BRSK2: variants seen among roughly 807,000 people sequenced by gnomAD.
The protein encoded by BRSK2 is serine/threonine-protein kinase BRSK2.
Under a neutral mutation model 83.3 loss-of-function variants are expected in BRSK2, and 19 were observed. That is an observed-to-expected ratio of 0.23 (90% CI 0.16 to 0.33). The LOEUF (loss-of-function observed/expected upper bound fraction) is 0.33. BRSK2 is among the 10% of genes least tolerant of loss of function. The pLI, the probability that BRSK2 is intolerant of heterozygous loss-of-function variation, is 1.00. For missense variants in BRSK2, 798 were observed against 1,042.3 expected, an observed-to-expected ratio of 0.77 and a Z score of 3.23; for synonymous variants, 519 against 435.4, an observed-to-expected ratio of 1.19 and a Z score of -2.39.
At chr11:1,394,920 T>C (rs1200781092) in intron 1 of BRSK2, among the ~76,000 whole-genome samples, 2 of 90,962 alleles carry the variant, frequency 2.2e-5, no homozygotes, top group African/African-American at 4.6e-5. Flanking sequence ...TGGAGATGGG[T>C]CCTGGAGATG....
At position 1,451,404 on chromosome 11, in the gene BRSK2, C is replaced by T; in HGVS notation, c.1529C>T (p.Pro510Leu). 4 of 1,612,948 alleles carry T rather than the reference C, an allele frequency of 2.5e-6. No homozygotes were observed. Among genetic ancestry groups the T allele is most frequent in the Non-Finnish European group, 3.4e-6 (4 of 1,179,904 alleles). The change falls in exon 15 of 20, where the codon CCA becomes CTA. Residue 510 changes from proline (P) to leucine (L), a missense_variant. Transcript: ENST00000528841. ...CCGGAGGAGATGTCCAACCTGACAC[C>T]AGAGTCGTCCCCAGAGTAAGTGGCC... ...PTPEEMSNLTPESSPELAKKS... is the reference protein window; with the variant it reads ...PTPEEMSNLTLESSPELAKKS...
In BRSK2 at chr11:1,440,777, G is replaced by C. The variant is rs201575766; in HGVS notation, c.273-11G>C. 49 of 1,558,348 alleles carry C rather than the reference G, an allele frequency of 3.1e-5. No individual in the cohort carries two copies. The South Asian group carries it at 4.8e-4, about 15-fold the overall frequency. ...CACAGCTGGGCGCACTGGTGGCCCC[G>C]TCTCCTGCAGGTACCTGGTGCTAGA... On this transcript the variant is annotated splice_polypyrimidine_tract_variant and intron_variant, in intron 3 of 19. Coordinates refer to ENST00000528841, the MANE Select transcript of BRSK2 (RefSeq NM_001256627.2).
intron 3 of BRSK2, 128 bp from the exon 4 acceptor site, chr11:1,440,660 C>A (rs892643234): frequency 9.4e-6 from 12 of 1,277,954 alleles, no homozygotes; most frequent in African/African-American, 8.9e-5. Flanking sequence ...AGCTGCCCCC[C>A]CAGCCAGCAA....
At chr11:1,412,534 C>T (rs1213079986) in intron 1 of BRSK2, among the ~76,000 whole-genome samples, 1 of 152,044 alleles carries the variant, frequency 6.6e-6, no homozygotes, top group African/African-American at 2.4e-5. Context: ...GCTGCTCTGT[C>T]CTCTCTGGTC....
At chr11:1,410,683 A>ACGC in intron 1 of BRSK2, 1 of 985,152 alleles carries the variant, frequency 1.0e-6, no homozygotes, top group Non-Finnish European at 1.2e-6. Context: ...GCACTGCCTG[A>ACGC]CGCCCACCCT....
intron 1 of BRSK2, among the ~76,000 whole-genome samples, chr11:1,393,506 A>C (rs985791890): frequency 6.6e-6 from 1 of 152,108 alleles, no homozygotes; most frequent in African/African-American, 2.4e-5. Flanking sequence ...GGAACGAAGG[A>C]GCTAGGATGA....
At chr11:1,450,825 G>T in intron 14 of BRSK2, 31 bp downstream of exon 14, 1 of 1,559,264 alleles carries the variant, frequency 6.4e-7, no homozygotes, top group Non-Finnish European at 8.6e-7. Flanking sequence ...GCCAGAGTGG[G>T]GCTGGGAGAG....
rs372765148 is a variant in BRSK2 at position 1,454,629 on chromosome 11, G to A, written c.1668+21G>A. 1 of 1,611,694 alleles carries A rather than the reference G, an allele frequency of 6.2e-7. No individual in the cohort carries two copies. Among genetic ancestry groups the A allele is most frequent in the Non-Finnish European group, 8.5e-7 (1 of 1,179,654 alleles). On this transcript the variant is annotated intron_variant, in intron 16 of 19. Coordinates refer to ENST00000528841, the MANE Select transcript of BRSK2 (RefSeq NM_001256627.2). The surrounding 1 kb of genome is among the most constrained non-coding windows in gnomAD (Gnocchi z 5.2). Reference sequence around the variant, plus strand: ...TGTCGGTGAGGCCACAGGGCGCTGGGGGAGGCGGGCAGCCCTCCCAACCCC... The same window carrying A: ...TGTCGGTGAGGCCACAGGGCGCTGGAGGAGGCGGGCAGCCCTCCCAACCCC...
At chr11:1,441,246 C>A (rs1390606205) in intron 4 of BRSK2, among the ~76,000 whole-genome samples, 5 of 71,458 alleles carry the variant, frequency 7.0e-5, no homozygotes, top group East Asian at 1.1e-3. Flanking sequence ...TGCACCGTCC[C>A]CCCCATTAGC....
intron 18 of BRSK2, 70 bp downstream of exon 18, chr11:1,456,757 C>T (rs58656229): frequency 2.5e-5 from 37 of 1,491,474 alleles, no homozygotes; most frequent in African/African-American, 5.5e-5. Context: ...GCTGCGCGGA[C>T]GGGAGGCGTG....
chr11:1,413,040 G>A (rs1334629263), intron 1 of BRSK2, among the ~76,000 whole-genome samples: 1 of 152,172 alleles, frequency 6.6e-6, no homozygotes, highest in Non-Finnish European at 1.5e-5. Flanking sequence ...TTCTTCCCAT[G>A]TTAGGAGCCT....
At chr11:1,456,939 C>T (rs777911759) in intron 18 of BRSK2, 5 of 1,596,754 alleles carry the variant, frequency 3.1e-6, no homozygotes, top group South Asian at 1.1e-5. Context: ...TGAAAGGCGC[C>T]TCTTGTCCAC....
chr11:1,435,858 C>T (rs550425561), intron 1 of BRSK2, among the ~76,000 whole-genome samples, 182 bp from the exon 2 acceptor site: 72 of 151,700 alleles, frequency 4.7e-4, no homozygotes, highest in Non-Finnish European at 8.8e-4. Context: ...GCAGGGGCAG[C>T]GTGACGCCAG....
chr11:1,422,889 C>G (rs925225654), intron 1 of BRSK2, among the ~76,000 whole-genome samples: 12 of 152,226 alleles, frequency 7.9e-5, no homozygotes, highest in Admixed American at 7.2e-4. Context: ...CCAGCAAGCC[C>G]CACAGCCAGT....
intron 1 of BRSK2, among the ~76,000 whole-genome samples, chr11:1,435,650 G>A (rs1850207292): frequency 6.6e-6 from 1 of 151,520 alleles, no homozygotes; most frequent in African/African-American, 2.4e-5. Context: ...GAAGGCTGCA[G>A]GTGGGGGTCT....
At position 1,428,727 on chromosome 11, in the gene BRSK2, C is replaced by T. The variant is rs866132906; in HGVS notation, c.92-7313C>T. Among the ~76,000 whole-genome samples the T allele has an allele frequency of 7.9e-5, 12 of 152,146 alleles. No individual in the cohort carries two copies. In the South Asian group the frequency reaches 1.7e-3, roughly 21 times the overall value. On this transcript the variant is annotated intron_variant, in intron 1 of 19. Coordinates refer to ENST00000528841, the MANE Select transcript of BRSK2 (RefSeq NM_001256627.2). ...GATGTGTGTGCACACTGGGAGTGTG[C>T]ATGTTTGTACGTATGTGTGCATGAT... is the stretch of plus-strand genomic sequence containing the variant.
intron 1 of BRSK2, among the ~76,000 whole-genome samples, chr11:1,403,742 A>G (rs1846646521): frequency 6.6e-6 from 1 of 151,576 alleles, no homozygotes; most frequent in African/African-American, 2.4e-5. Flanking sequence ...TGCTGGTGAG[A>G]CAGAAGTGGG....
Position 1,445,397 on chromosome 11 carries a change from A to G in BRSK2, c.916A>G (p.Met306Val), listed in dbSNP as rs767593252. ...EDIDPDVLDS[M>V]HSLGCFRDRN... Reference sequence around the variant, plus strand: ...CATCGACCCCGACGTGCTGGACAGCATGCACTCACTGGGCTGCTTCCGAGA... The same window carrying G: ...CATCGACCCCGACGTGCTGGACAGCGTGCACTCACTGGGCTGCTTCCGAGA... Residue 306 changes from methionine (M) to valine (V), a missense_variant, in exon 10 of 20, where the codon ATG (methionine) becomes GTG (valine). Coordinates refer to ENST00000528841, the MANE Select transcript of BRSK2 (RefSeq NM_001256627.2). 2 of 1,612,084 alleles carry G rather than the reference A, an allele frequency of 1.2e-6. No homozygotes were observed. Among genetic ancestry groups the G allele is most frequent in the South Asian group, 1.1e-5 (1 of 90,984 alleles).
In BRSK2 at chr11:1,460,572, A is replaced by C. The variant is rs1590739377; in HGVS notation, c.2060A>C (p.Gln687Pro). 6.5e-7 allele frequency: 1 copy of C among 1,529,710 alleles called. No individual in the cohort carries two copies. Among genetic ancestry groups the C allele is most frequent in the Middle Eastern group, 1.7e-4 (1 of 5,954 alleles). 94.8% of individuals were successfully genotyped at this position (1,529,710 alleles called of 1,614,324 possible). ...GACGAGAAGAACGGGCAGGCGGCCC[A>C]GGCCCCCAGCACGCCCGCCAAGCGG... ...FSDEKNGQAA[Q>P]APSTPAKRSA... Residue 687 changes from glutamine to proline, a missense_variant, in exon 20 of 20, where the codon CAG becomes CCG. Gln to Pro is a moderately conservative substitution (Grantham distance 76). Transcript: ENST00000528841.
Sources: gnomAD v4.1 joint callset for allele counts (sites outside exome capture counted in the v4.1 genomes callset) on GRCh38, gnomAD v4.1.1 for gene constraint, Gnocchi (gnomAD v3.1) non-coding constraint, MANE v1.5 for transcripts, NCBI Gene and HGNC (gene_info 2026-07-23, HGNC 2026-07-21) for gene names.